IST1: variants seen among roughly 807,000 people sequenced by gnomAD.
IST1 encodes IST1 factor associated with ESCRT-III, also known as IST1 homolog.
In IST1, 23 loss-of-function variants were observed where a neutral mutation model predicts 37.0. The observed-to-expected ratio is 0.62, with a 90% CI of 0.45 to 0.88. The LOEUF (loss-of-function observed/expected upper bound fraction) is 0.88. IST1 is among the 40% of genes least tolerant of loss of function. The pLI is 0.00. For synonymous variants in IST1, 180 were observed against 161.7 expected (o/e 1.11, Z -0.86); for missense variants, 488 against 445.4 (o/e 1.10, Z -0.86).
intron 1 of IST1, among the ~76,000 whole-genome samples, chr16:71,905,427 G>A (rs867176033): frequency 4.0e-5 from 6 of 150,660 alleles, no homozygotes; most frequent in Admixed American, 6.6e-5. Context: ...TGCCCAGGCT[G>A]GAGTGCGATG....
At chr16:71,926,350 G>GTTTTTTTTTTTTTTTTTTTT (rs879484620) in intron 9 of IST1, among the ~76,000 whole-genome samples, 1 of 142,410 alleles carries the variant, frequency 7.0e-6, no homozygotes, top group African/African-American at 2.6e-5. Flanking sequence ...AAAACTCATA[G>GTTTTTTTTTTTTTTTTTTTT]TTTTTTTTTT....
chr16:71,907,347 C>T (rs1335986542), intron 1 of IST1, among the ~76,000 whole-genome samples: 5 of 150,862 alleles, frequency 3.3e-5, no homozygotes, highest in South Asian at 2.1e-4. Flanking sequence ...GTGCGATCTC[C>T]GCTCACTGCA....
chr16:71,907,106 C>G (rs1297491737), intron 1 of IST1, among the ~76,000 whole-genome samples: 1 of 151,470 alleles, frequency 6.6e-6, no homozygotes, highest in Non-Finnish European at 1.5e-5. Flanking sequence ...TTGTCTGATT[C>G]AAGTTTGCTA....
At chr16:71,923,643 C>A in intron 8 of IST1, 2 of 331,296 alleles carry the variant, frequency 6.0e-6, no homozygotes, top group Non-Finnish European at 1.1e-5. Flanking sequence ...AGTTGTAGTG[C>A]TCTATGAGGG....
rs571446641 is a variant in IST1, at chr16:71,929,432, A to T, written c.*1619A>T. 3.4e-6 allele frequency: 4 copies of T among 1,177,020 alleles called. No individual in the cohort carries two copies. The highest frequency in any genetic ancestry group is 6.5e-5 in the Admixed American group (2 of 30,750). 72.9% of individuals were successfully genotyped at this position (1,177,020 alleles called of 1,614,324 possible). A position where few individuals can be genotyped will look rare whatever the true frequency, so the allele number is the denominator to read the frequency against. On this transcript the variant is annotated 3_prime_UTR_variant, in exon 10 of 10. Transcript: ENST00000378799. ...TGGGACCAAGGGGATTTTGATTCCT[A>T]ACTTACAGAATTAAAAACAAAGTAT...
At position 71,920,773 on chromosome 16, in the gene IST1, A is replaced by G; in HGVS notation, c.392A>G (p.Glu131Gly). 22 of 1,614,070 alleles carry G rather than the reference A, an allele frequency of 1.4e-5. No individual in the cohort carries two copies. The highest frequency in any genetic ancestry group is 1.8e-5 in the Non-Finnish European group (21 of 1,179,904). Residue 131 changes from glutamate to glycine, a missense_variant, in exon 5 of 10, where the codon GAA becomes GGA. Physicochemically the swap from Glu to Gly is moderately conservative, Grantham distance 98 (BLOSUM62 -2). This residue lies in a region of IST1 where 455 missense variants were observed against 386.2 expected (regional missense o/e 1.18). Coordinates refer to ENST00000378799, the MANE Select transcript of IST1 (RefSeq NM_001270975.2). ...ADQLCAKYSK[E>G]YGKLCRTNQI... is the part of the protein sequence containing the mutation. ...CAGCTCTGTGCCAAGTATAGCAAGG[A>G]ATATGGCAAGCTATGTAGGACCAAC...
intron 1 of IST1, among the ~76,000 whole-genome samples, chr16:71,904,532 T>C (rs779036386): frequency 3.3e-5 from 5 of 151,894 alleles, no homozygotes; most frequent in Non-Finnish European, 4.4e-5. Context: ...CCCACTTCAG[T>C]CCCCCCGAGT....
chr16:71,927,932 C>G lies in IST1; in HGVS notation c.*119C>G. ...GTTAACCGTCACTCAGCACAACACT[C>G]CCTCTGGGCTCTCTTCCTGCTCCTC... On this transcript the variant is annotated 3_prime_UTR_variant, in exon 10 of 10. Transcript: ENST00000378799. The G allele has an allele frequency of 2.8e-6, 2 of 715,276 alleles. No homozygotes were observed. The highest frequency in any genetic ancestry group is 4.6e-5 in the Admixed American group (2 of 43,704). The allele number at this position is 715,276 out of a possible 1,614,324, so 44.3% of individuals were successfully genotyped here. A position where few individuals can be genotyped will look rare whatever the true frequency, so the allele number is the denominator to read the frequency against.
chr16:71,924,920 TC>T, intron 9 of IST1, 103 bp downstream of exon 9: 1 of 779,108 alleles, frequency 1.3e-6, no homozygotes, highest in Middle Eastern at 2.3e-4. Context: ...TCCATGGACT[TC>T]TATCTGCATG....
chr16:71,927,029 T>C (rs1253207485), intron 9 of IST1, among the ~76,000 whole-genome samples: 3 of 152,166 alleles, frequency 2.0e-5, no homozygotes, highest in African/African-American at 7.2e-5. Flanking sequence ...ACTTAGTTGG[T>C]AAAGTAACAG....
Position 71,928,943 on chromosome 16 carries a change from A to G in IST1, c.*1130A>G, listed in dbSNP as rs1382004353. On this transcript the variant is annotated 3_prime_UTR_variant, in exon 10 of 10. Coordinates refer to ENST00000378799, the MANE Select transcript of IST1 (RefSeq NM_001270975.2). ...TACTTGTTTCAGGCAGCCTTTCTTT[A>G]ATGTTTTCAGTTGGTTTGTATTCTG... is the stretch of plus-strand genomic sequence containing the variant. 6.6e-6 allele frequency: 1 copy of G among 152,202 alleles called. No homozygotes were observed. Among genetic ancestry groups the G allele is most frequent in the Non-Finnish European group, 1.5e-5 (1 of 68,210 alleles). The allele number at this position is 152,202 out of a possible 1,614,324, so 9.4% of individuals were successfully genotyped here.
chr16:71,916,124 G>C (rs1597248490), intron 2 of IST1, among the ~76,000 whole-genome samples: 2 of 152,294 alleles, frequency 1.3e-5, no homozygotes, highest in African/African-American at 4.8e-5. Flanking sequence ...GAGCTACCAT[G>C]CCCGCCCTGG....
At chr16:71,913,388 T>C (rs140706534) in intron 1 of IST1, among the ~76,000 whole-genome samples, 147 of 152,332 alleles carry the variant, frequency 9.6e-4, no homozygotes, top group Admixed American at 2.7e-3. Flanking sequence ...GATATGCTTA[T>C]TGACCACTTG....
rs1178156894 is a variant in IST1 at position 71,922,464 on chromosome 16, T to C, written c.553-10T>C. 5 of 1,613,018 alleles carry C rather than the reference T, an allele frequency of 3.1e-6. No individual in the cohort carries two copies. The South Asian group carries it at 5.5e-5, about 18-fold the overall frequency. ...TGGGTTAATGACCTGGGTTTCTCTT[T>C]TTTTCTCAGGCAGAAGCTCCTCCTG... On this transcript the variant is annotated splice_polypyrimidine_tract_variant and intron_variant, in intron 6 of 9. Transcript: ENST00000378799.
chr16:71,927,180 T>C (rs1228927023), intron 9 of IST1, among the ~76,000 whole-genome samples: 5 of 152,172 alleles, frequency 3.3e-5, no homozygotes, highest in Non-Finnish European at 5.9e-5. Context: ...TTAACTGTCA[T>C]TCAAATGTTT....
At chr16:71,904,363 C>G (rs2037174467) in intron 1 of IST1, among the ~76,000 whole-genome samples, 1 of 152,164 alleles carries the variant, frequency 6.6e-6, no homozygotes, top group Non-Finnish European at 1.5e-5. Context: ...CCTAAGTGAT[C>G]CACCTGCCTC....
intron 1 of IST1, among the ~76,000 whole-genome samples, chr16:71,912,712 C>G (rs1356065102): frequency 6.6e-6 from 1 of 152,188 alleles, no homozygotes; most frequent in Non-Finnish European, 1.5e-5. Flanking sequence ...TCTCCATAAA[C>G]TTTCATCTTT....
chr16:71,922,835 T>C (rs1274821296), intron 7 of IST1, 155 bp downstream of exon 7: 4 of 654,266 alleles, frequency 6.1e-6, no homozygotes, highest in Non-Finnish European at 1.1e-5. Flanking sequence ...AAAAAACACA[T>C]TGGATTCAGA....
chr16:71,924,901 G>A lies in IST1; in HGVS notation c.901+84G>A, dbSNP rs1401043997. 3.1e-6 allele frequency: 3 copies of A among 962,880 alleles called. No individual in the cohort carries two copies. In the African/African-American group the frequency reaches 4.8e-5, roughly 15 times the overall value. 59.6% of individuals were successfully genotyped at this position (962,880 alleles called of 1,614,324 possible). Reference sequence around the variant, plus strand: ...CATTATTGTTCCTCCCTTAGAGACTGTTTCCATGTCCATGGACTTCTATCT... The same window carrying A: ...CATTATTGTTCCTCCCTTAGAGACTATTTCCATGTCCATGGACTTCTATCT... On this transcript the variant is annotated intron_variant, in intron 9 of 9. Transcript: ENST00000378799.
Sources: gnomAD v4.1 joint callset for allele counts (sites outside exome capture counted in the v4.1 genomes callset) on GRCh38, gnomAD v4.1.1 for gene constraint, gnomAD v4.1.1 regional missense constraint, MANE v1.5 for transcripts, NCBI Gene and HGNC (gene_info 2026-07-23, HGNC 2026-07-21) for gene names.